RANBP2: variants seen among roughly 807,000 people sequenced by gnomAD.
RANBP2 encodes E3 SUMO-protein ligase RanBP2.
A neutral mutation model predicts 303.6 loss-of-function variants in RANBP2; 57 were observed. The ratio of observed to expected loss-of-function variants is 0.19; its 90% CI spans 0.15 to 0.23. The LOEUF (loss-of-function observed/expected upper bound fraction) is 0.23. RANBP2 is among the 10% of genes least tolerant of loss of function. The pLI, the probability that RANBP2 is intolerant of heterozygous loss-of-function variation, is 1.00. For missense variants in RANBP2, 3,138 were observed against 3,780.8 expected, an observed-to-expected ratio of 0.83 and a Z score of 4.46; for synonymous variants, 1,167 against 1,301.5, an observed-to-expected ratio of 0.90 and a Z score of 2.23.
the RANBP2 span, among the ~76,000 whole-genome samples, chr2:109,599,619 T>C: frequency 1.3e-5 from 2 of 152,056 alleles, no homozygotes; most frequent in African/African-American, 4.8e-5. Flanking sequence ...AAATAGCACC[T>C]CCATTATACC....
chr2:109,576,459 A>C, the RANBP2 span, among the ~76,000 whole-genome samples: 51 of 152,166 alleles, frequency 3.4e-4, no homozygotes, highest in Non-Finnish European at 6.3e-4. Flanking sequence ...AAAACCTTGA[A>C]CATTACAAGA....
chr2:109,511,722 TG>T, the RANBP2 span, among the ~76,000 whole-genome samples: 2 of 152,206 alleles, frequency 1.3e-5, no homozygotes, highest in Non-Finnish European at 2.9e-5. Flanking sequence ...GGCCATCTAC[TG>T]TAAGTCTTTT....
Position 108,775,953 on chromosome 2 carries a change from G to GT in RANBP2, c.8497+20dup. On this transcript the variant is annotated intron_variant, in intron 24 of 28. Transcript: ENST00000283195. ...CAAGCCAAGGTAAATCTTGATATAT[G>GT]TTTATCATGTGTTACATAAGGGACA... is the stretch of plus-strand genomic sequence containing the variant. The GT allele has an allele frequency of 6.3e-7, 1 of 1,589,450 alleles. No individual in the cohort carries two copies. Among genetic ancestry groups the GT allele is most frequent in the Non-Finnish European group, 8.6e-7 (1 of 1,167,174 alleles).
chr2:109,116,686 C>T, the RANBP2 span, among the ~76,000 whole-genome samples: 1 of 152,206 alleles, frequency 6.6e-6, no homozygotes, highest in African/African-American at 2.4e-5. Context: ...AACTGCGTTC[C>T]TTTGGAGGAG....
At chr2:109,404,100 T>C in the RANBP2 span, among the ~76,000 whole-genome samples, 202 of 152,236 alleles carry the variant, frequency 1.3e-3, 2 homozygotes, top group African/African-American at 4.6e-3. Context: ...TGCTGGGTCC[T>C]GGAGGTTTTG....
At chr2:109,314,464 C>T in the RANBP2 span, among the ~76,000 whole-genome samples, 1 of 152,140 alleles carries the variant, frequency 6.6e-6, no homozygotes, top group Non-Finnish European at 1.5e-5. Context: ...CTGGGGAAAG[C>T]AGGTCAGCCT....
the RANBP2 span, among the ~76,000 whole-genome samples, chr2:108,919,799 T>G: frequency 1.3e-5 from 2 of 152,214 alleles, no homozygotes. Flanking sequence ...CTCCCCGCAC[T>G]ACGAAGCTGC....
chr2:108,942,591 G>T, the RANBP2 span, among the ~76,000 whole-genome samples: 1 of 152,252 alleles, frequency 6.6e-6, no homozygotes, highest in Admixed American at 6.5e-5. Flanking sequence ...TTCATTTTGT[G>T]AGTCTGCGCT....
At chr2:109,156,262 A>G in the RANBP2 span, among the ~76,000 whole-genome samples, 19 of 152,168 alleles carry the variant, frequency 1.2e-4, no homozygotes, top group African/African-American at 4.6e-4. Context: ...ACACAGTCCA[A>G]CCACCAGAGA....
the RANBP2 span, among the ~76,000 whole-genome samples, chr2:109,412,249 C>T: frequency 1.3e-5 from 2 of 152,276 alleles, no homozygotes; most frequent in African/African-American, 4.8e-5. Context: ...CTTGGTCTCT[C>T]CTGGCCAAAC....
the RANBP2 span, among the ~76,000 whole-genome samples, chr2:109,496,981 A>T: frequency 1.3e-5 from 2 of 152,182 alleles, no homozygotes; most frequent in Admixed American, 1.3e-4. Context: ...CAGAGAAGGG[A>T]TGAAGGCAGC....
the RANBP2 span, among the ~76,000 whole-genome samples, chr2:109,483,066 A>G: frequency 6.6e-6 from 1 of 152,140 alleles, no homozygotes; most frequent in Non-Finnish European, 1.5e-5. Flanking sequence ...CCCTCTCTAA[A>G]AATGCGTTGC....
chr2:109,383,237 G>A, the RANBP2 span, among the ~76,000 whole-genome samples: 5 of 152,292 alleles, frequency 3.3e-5, no homozygotes, highest in African/African-American at 1.2e-4. Flanking sequence ...TGAGGTCCAG[G>A]GCTATGTTTG....
At chr2:109,135,988 T>C in the RANBP2 span, among the ~76,000 whole-genome samples, 1 of 152,194 alleles carries the variant, frequency 6.6e-6, no homozygotes, top group Admixed American at 6.5e-5. Flanking sequence ...CCCACCTCCG[T>C]CATCCGTAGG....
chr2:109,168,533 T>A, the RANBP2 span, among the ~76,000 whole-genome samples: 1 of 152,212 alleles, frequency 6.6e-6, no homozygotes, highest in Non-Finnish European at 1.5e-5. Flanking sequence ...TGCAACATCT[T>A]CTTACACTTG....
chr2:108,816,245 G>A, the RANBP2 span: 1 of 595,328 alleles, frequency 1.7e-6, no homozygotes, highest in Non-Finnish European at 2.8e-6. Flanking sequence ...GAGGTCAGGA[G>A]TTTAAGACCA....
the RANBP2 span, among the ~76,000 whole-genome samples, chr2:109,333,356 A>G: frequency 9.6e-4 from 146 of 152,360 alleles, 1 homozygote; most frequent in African/African-American, 3.3e-3. Flanking sequence ...AATGTAATGT[A>G]TTGGTTTCAG....
the RANBP2 span, among the ~76,000 whole-genome samples, chr2:109,169,019 A>C: frequency 6.6e-6 from 1 of 152,206 alleles, no homozygotes; most frequent in Non-Finnish European, 1.5e-5. Context: ...TTTGCCTAAC[A>C]GGACTCTCCC....
the RANBP2 span, among the ~76,000 whole-genome samples, chr2:109,126,984 A>C: frequency 6.6e-6 from 1 of 152,172 alleles, no homozygotes; most frequent in Non-Finnish European, 1.5e-5. Flanking sequence ...TTCCTGAGCA[A>C]GGGTAAGAGT....
Sources: allele counts gnomAD v4.1 joint callset (sites outside exome capture counted in the v4.1 genomes callset), GRCh38; gene constraint gnomAD v4.1.1; transcripts MANE v1.5; gene names NCBI Gene and HGNC (gene_info 2026-07-23, HGNC 2026-07-21).